The following ABLIM2 variants were observed in gnomAD, a reference collection of about 807,000 sequenced individuals.
ABLIM2 encodes the protein actin-binding LIM protein 2.
ABLIM2 carries 53 observed loss-of-function variants against 97.7 expected under a neutral mutation model. That is an observed-to-expected ratio of 0.54 (90% CI 0.44 to 0.68). The LOEUF is 0.68. ABLIM2 is among the 30% of genes least tolerant of loss of function. The pLI is 0.00. For missense variants in ABLIM2, 835 were observed against 867.2 expected, an observed-to-expected ratio of 0.96 and a Z score of 0.47; for synonymous variants, 361 against 345.8, an observed-to-expected ratio of 1.04 and a Z score of -0.49.
chr4:8,028,324 G>C (rs1778735987), intron 11 of ABLIM2, among the ~76,000 whole-genome samples: 1 of 152,202 alleles, frequency 6.6e-6, no homozygotes, highest in Admixed American at 6.5e-5. Flanking sequence ...GCCAGCAAAG[G>C]GCCCTTAGGA....
intron 14 of ABLIM2, among the ~76,000 whole-genome samples, chr4:8,017,043 G>A (rs891039295): frequency 6.6e-6 from 1 of 152,128 alleles, no homozygotes; most frequent in Non-Finnish European, 1.5e-5. Context: ...AAGTAACTGG[G>A]TTTAATACCA....
intron 1 of ABLIM2, among the ~76,000 whole-genome samples, chr4:8,143,471 C>A (rs540625449): frequency 8.7e-4 from 133 of 152,222 alleles, no homozygotes; most frequent in Non-Finnish European, 1.4e-3. Context: ...GATGAAATTC[C>A]TCAAACACAT....
chr4:8,071,486 G>A lies in ABLIM2; in HGVS notation c.675+6142C>T, dbSNP rs1026066866. On this transcript the variant is annotated intron_variant, in intron 6 of 20. Coordinates refer to ENST00000447017, the MANE Select transcript of ABLIM2 (RefSeq NM_001130083.2). The surrounding 1 kb of genome is among the most constrained non-coding windows in gnomAD (Gnocchi z 6.2). ...CATTTCGCGGGCAGGCGGGCACTGC[G>A]GGCGCCAGCACTTAGGATGGCACCA... 3.3e-5 allele frequency among the ~76,000 whole-genome samples: 5 copies of A among 152,300 alleles called. No homozygotes were observed. The highest frequency in any genetic ancestry group is 2.1e-4 in the South Asian group (1 of 4,826).
intron 1 of ABLIM2, among the ~76,000 whole-genome samples, chr4:8,144,329 T>C (rs1189182054): frequency 1.3e-5 from 2 of 152,234 alleles, no homozygotes; most frequent in Non-Finnish European, 2.9e-5. Context: ...AGACAGTTTC[T>C]AAGTCCCTTC....
chr4:8,103,016 G>A (rs1010655090), intron 2 of ABLIM2, among the ~76,000 whole-genome samples: 30 of 152,328 alleles, frequency 2.0e-4, no homozygotes, highest in East Asian at 5.8e-4. Context: ...CATGCCATGC[G>A]GTGAGAACGT....
At chr4:8,105,938 T>C (rs1190536050) in intron 2 of ABLIM2, among the ~76,000 whole-genome samples, 3 of 120,446 alleles carry the variant, frequency 2.5e-5, no homozygotes, top group Non-Finnish European at 5.3e-5. Context: ...CCTCACGTGA[T>C]TTTTTTTTTG....
intron 6 of ABLIM2, among the ~76,000 whole-genome samples, chr4:8,064,684 G>A (rs978739521): frequency 7.2e-5 from 11 of 152,236 alleles, no homozygotes; most frequent in East Asian, 3.9e-4. Context: ...CCAAGAAGTC[G>A]GACACAAGAG....
chr4:8,039,811 C>T (rs902287431), intron 9 of ABLIM2, among the ~76,000 whole-genome samples: 2 of 150,454 alleles, frequency 1.3e-5, no homozygotes, highest in African/African-American at 2.4e-5. Flanking sequence ...TCAGAAGCAT[C>T]GGCAGGGCCA....
intron 14 of ABLIM2, among the ~76,000 whole-genome samples, chr4:8,016,043 A>ATTT (rs4006048): frequency 0.38 from 42,686 of 110,940 alleles, 9,567 homozygotes; most frequent in East Asian, 0.56. Context: ...TTGTTGTTGT[A>ATTT]TTTTTTTTTT....
intron 3 of ABLIM2, 50 bp from the exon 4 acceptor site, chr4:8,088,334 C>G (rs1282277433): frequency 1.4e-6 from 2 of 1,460,940 alleles, no homozygotes; most frequent in Non-Finnish European, 1.9e-6. Flanking sequence ...TGGCTCCTCT[C>G]TGGGGGAGCC....
At chr4:8,029,619 C>T in intron 11 of ABLIM2, 37 bp downstream of exon 11, 2 of 1,391,124 alleles carry the variant, frequency 1.4e-6, no homozygotes, top group East Asian at 5.7e-5. Flanking sequence ...AAAAGGACAG[C>T]ATCCTGGGGG....
At chr4:8,016,014 A>G (rs528071665) in intron 14 of ABLIM2, among the ~76,000 whole-genome samples, 1 of 151,464 alleles carries the variant, frequency 6.6e-6, no homozygotes, top group South Asian at 2.1e-4. Context: ...CCTGTCTGTA[A>G]TAAGAGGTGA....
chr4:8,037,623 C>T lies in ABLIM2; in HGVS notation c.901-1328G>A, dbSNP rs547159180. ...CCCACAAACGTGCATGCACATCTGC[C>T]CACACATACTTGCACACAATCACCC... is the stretch of plus-strand genomic sequence containing the variant. On this transcript the variant is annotated intron_variant, in intron 9 of 20. Coordinates refer to ENST00000447017, the MANE Select transcript of ABLIM2 (RefSeq NM_001130083.2). Among the ~76,000 whole-genome samples, 11 of 152,144 alleles carry T rather than the reference C, an allele frequency of 7.2e-5. No homozygotes were observed. The South Asian group carries it at 1.7e-3, about 23-fold the overall frequency.
At chr4:7,990,222 T>C (rs114787265) in intron 17 of ABLIM2, among the ~76,000 whole-genome samples, 6,109 of 152,164 alleles carry the variant, frequency 0.04, 231 homozygotes, top group African/African-American at 0.099. Context: ...TTTTTTGAGA[T>C]GAAGTCTCGC....
rs139612770 is a variant in ABLIM2, at chr4:8,058,052, G to A, written c.763+2915C>T. On this transcript the variant is annotated intron_variant, in intron 7 of 20. Coordinates refer to ENST00000447017, the MANE Select transcript of ABLIM2 (RefSeq NM_001130083.2). This position sits in a 1 kb window ranked among gnomAD's most constrained non-coding sequence, Gnocchi z 4.2. ...TCCCACAGAACCTCACAGCAGAAGCGGGGGCTGGCCTCAGGCCAGTCCTGA... is the reference window on the plus strand; with the variant it reads ...TCCCACAGAACCTCACAGCAGAAGCAGGGGCTGGCCTCAGGCCAGTCCTGA... 2.6e-5 allele frequency among the ~76,000 whole-genome samples: 4 copies of A among 152,380 alleles called. No homozygotes were observed. The highest frequency in any genetic ancestry group is 3.4e-3 in the Middle Eastern group (1 of 294).
chr4:8,103,524 C>T (rs1457379509), intron 2 of ABLIM2, among the ~76,000 whole-genome samples: 1 of 152,242 alleles, frequency 6.6e-6, no homozygotes, highest in African/African-American at 2.4e-5. Flanking sequence ...CTCTAACTGG[C>T]TGTGGGTGGG....
rs1475074576 is a variant in ABLIM2 at position 8,023,756 on chromosome 4, CCATT to C, written c.1268-3457_1268-3454del. Among the ~76,000 whole-genome samples the C allele has an allele frequency of 6.6e-6, 1 of 151,894 alleles. No individual in the cohort carries two copies. The highest frequency in any genetic ancestry group is 1.5e-5 in the Non-Finnish European group (1 of 67,938). Reference sequence around the variant, plus strand: ...CTGTGTGGGAGATCTCGCTTTCTCTCCATTTATTTGTTTACTCAACATTTATGTA... The same window carrying C: ...CTGTGTGGGAGATCTCGCTTTCTCTCTATTTGTTTACTCAACATTTATGTA... On this transcript the variant is annotated intron_variant, in intron 12 of 20. Transcript: ENST00000447017. The surrounding 1 kb of genome is among the most constrained non-coding windows in gnomAD (Gnocchi z 5.7).
At position 8,085,365 on chromosome 4, in the gene ABLIM2, A is replaced by C. The variant is rs1822753390; in HGVS notation, c.454+2804T>G. ...ATCTATTGCTCCTCACGGCCTCCAG[A>C]TGTACCGAGAACACCACGGCGTGGC... On this transcript the variant is annotated intron_variant, in intron 4 of 20. Transcript: ENST00000447017. This position sits in a 1 kb window ranked among gnomAD's most constrained non-coding sequence, Gnocchi z 6.1. 6.6e-6 allele frequency among the ~76,000 whole-genome samples: 1 copy of C among 152,114 alleles called. No homozygotes were observed. The highest frequency in any genetic ancestry group is 1.5e-5 in the Non-Finnish European group (1 of 67,992).
chr4:8,006,083 C>T (rs1314244645), intron 16 of ABLIM2, among the ~76,000 whole-genome samples: 2 of 152,256 alleles, frequency 1.3e-5, no homozygotes, highest in African/African-American at 4.8e-5. Flanking sequence ...GACATGGCCT[C>T]TGGGCCTCGC....
Sources: allele counts gnomAD v4.1 joint callset (sites outside exome capture counted in the v4.1 genomes callset), GRCh38; gene constraint gnomAD v4.1.1; non-coding constraint Gnocchi (gnomAD v3.1); transcripts MANE v1.5; gene names NCBI Gene and HGNC (gene_info 2026-07-23, HGNC 2026-07-21).